The following HNF4A variants were observed in gnomAD, a reference collection of about 807,000 sequenced individuals.
HNF4A encodes the protein hepatocyte nuclear factor 4-alpha.
HNF4A carries 15 observed loss-of-function variants against 52.4 expected under a neutral mutation model. The observed-to-expected ratio is 0.29, with a 90% CI of 0.19 to 0.44. The LOEUF (loss-of-function observed/expected upper bound fraction) is 0.44, where lower values mean the gene tolerates loss of function less well. Ranked by LOEUF, HNF4A falls within the 20% of genes least tolerant of loss-of-function variation. HNF4A has a pLI of 1.00. For synonymous variants in HNF4A, 280 were observed against 264.4 expected, an observed-to-expected ratio of 1.06 and a Z score of -0.57; for missense variants, 479 against 647.2, an observed-to-expected ratio of 0.74 and a Z score of 2.82.
At chr20:44,368,875 G>C (rs2063000618) in intron 1 of HNF4A, among the ~76,000 whole-genome samples, 1 of 152,114 alleles carries the variant, frequency 6.6e-6, no homozygotes, top group Non-Finnish European at 1.5e-5. Context: ...TTACTAGCAA[G>C]TTAACACATT....
chr20:44,385,506 T>C (rs1338250229), intron 1 of HNF4A, among the ~76,000 whole-genome samples: 2 of 152,178 alleles, frequency 1.3e-5, no homozygotes, highest in African/African-American at 4.8e-5. Context: ...TCTCACTCTG[T>C]CGCCCAGGCT....
intron 1 of HNF4A, among the ~76,000 whole-genome samples, chr20:44,404,295 A>G (rs923837403): frequency 6.6e-6 from 1 of 152,234 alleles, no homozygotes; most frequent in Non-Finnish European, 1.5e-5. Context: ...AAAAGCATAG[A>G]GAAGTAAACG....
chr20:44,373,002 C>T (rs1380402151), intron 1 of HNF4A: 2 of 152,204 alleles, frequency 1.3e-5, no homozygotes, highest in South Asian at 4.1e-4. Flanking sequence ...GATCCTCAGT[C>T]TCCTCATCTG....
intron 1 of HNF4A, among the ~76,000 whole-genome samples, chr20:44,393,290 C>T (rs1386440130): frequency 6.6e-6 from 1 of 152,230 alleles, no homozygotes; most frequent in Non-Finnish European, 1.5e-5. Flanking sequence ...TGTCATAAGC[C>T]ACCTGGCAGG....
chr20:44,361,534 G>A (rs145965662), intron 1 of HNF4A, among the ~76,000 whole-genome samples: 1 of 152,126 alleles, frequency 6.6e-6, no homozygotes, highest in Non-Finnish European at 1.5e-5. Context: ...GGTGGCTCAT[G>A]CCTGTAATCC....
At chr20:44,420,710 C>T (rs1680577086) in intron 7 of HNF4A, among the ~76,000 whole-genome samples, 1 of 152,106 alleles carries the variant, frequency 6.6e-6, no homozygotes, top group Non-Finnish European at 1.5e-5. Flanking sequence ...CCCAGCTACT[C>T]AGGAGGCCAA....
At chr20:44,356,979 T>G (rs1188349653) in intron 1 of HNF4A, among the ~76,000 whole-genome samples, 2 of 152,108 alleles carry the variant, frequency 1.3e-5, no homozygotes. Context: ...CTTAAGATCA[T>G]GGTGGATGCC....
intron 1 of HNF4A, among the ~76,000 whole-genome samples, chr20:44,376,730 C>G (rs1490779126): frequency 2.0e-5 from 3 of 152,156 alleles, no homozygotes; most frequent in Non-Finnish European, 4.4e-5. Context: ...TTACCAGACA[C>G]ATTTTCACAG....
At chr20:44,415,013 A>T (rs1189775068) in intron 5 of HNF4A, among the ~76,000 whole-genome samples, 1 of 152,172 alleles carries the variant, frequency 6.6e-6, no homozygotes, top group East Asian at 1.9e-4. Flanking sequence ...GCTCCTGACC[A>T]TTGTACCTGA....
At chr20:44,376,275 AT>A (rs1467291855) in intron 1 of HNF4A, among the ~76,000 whole-genome samples, 8 of 152,214 alleles carry the variant, frequency 5.3e-5, no homozygotes, top group Non-Finnish European at 1.0e-4. Flanking sequence ...AAAGAAAAAA[AT>A]ATATATATAG....
At chr20:44,396,147 G>C (rs181433316) in intron 1 of HNF4A, among the ~76,000 whole-genome samples, 1 of 152,248 alleles carries the variant, frequency 6.6e-6, no homozygotes, top group South Asian at 2.1e-4. Context: ...AGGCAGACTC[G>C]GGTTCAAACA....
intron 1 of HNF4A, chr20:44,372,870 T>C (rs995064759): frequency 6.6e-6 from 1 of 152,210 alleles, no homozygotes; most frequent in Non-Finnish European, 1.5e-5. Flanking sequence ...TTGGCAATGA[T>C]GAAGACACCT....
At chr20:44,423,754 T>C (rs1476374837) in intron 7 of HNF4A, among the ~76,000 whole-genome samples, 2 of 152,226 alleles carry the variant, frequency 1.3e-5, no homozygotes, top group Non-Finnish European at 2.9e-5. Context: ...ATTGGATGCA[T>C]TCCTCAAGTC....
chr20:44,424,278 C>T lies in HNF4A; in HGVS notation c.1129+24C>T, dbSNP rs1031647179. 7.4e-6 allele frequency: 12 copies of T among 1,612,346 alleles called. No homozygotes were observed. The Middle Eastern group carries it at 6.6e-4, about 88-fold the overall frequency. On this transcript the variant is annotated intron_variant, in intron 8 of 9. Coordinates refer to ENST00000316099, the MANE Select transcript of HNF4A (RefSeq NM_000457.6). The stretch of plus-strand genomic sequence containing the variant: ...AGGTCCGTGCCAAGCCCAGGAGGGG[C>T]GGGGTTGGAGTGGGGACTCCCCAGG...
intron 1 of HNF4A, chr20:44,401,584 A>T (rs1345404352): frequency 7.0e-7 from 1 of 1,438,320 alleles, no homozygotes; most frequent in African/African-American, 1.4e-5. Flanking sequence ...GTGGGAGGAG[A>T]ATGATACAAA....
chr20:44,363,159 C>T (rs6130597), intron 1 of HNF4A, among the ~76,000 whole-genome samples: 24,614 of 151,946 alleles, frequency 0.16, 2,398 homozygotes, highest in Middle Eastern at 0.26. Context: ...CCCGGCCGAC[C>T]CAATCTTTTT....
In HNF4A at chr20:44,432,717, G is replaced by A. The variant is rs546761850; in HGVS notation, c.*3052G>A. 1.3e-5 allele frequency: 2 copies of A among 152,242 alleles called. No individual in the cohort carries two copies. Among genetic ancestry groups the A allele is most frequent in the South Asian group, 4.2e-4 (2 of 4,816 alleles). The allele number at this position is 152,242 out of a possible 1,614,324, so 9.4% of individuals were successfully genotyped here. A position where few individuals can be genotyped will look rare whatever the true frequency, so the allele number is the denominator to read the frequency against. ...CTTTCTGTGGGTGTGAATGTCATTA[G>A]GTCTTGCGCTGACCCCTGAGCCCCC... On this transcript the variant is annotated 3_prime_UTR_variant, in exon 10 of 10. Transcript: ENST00000316099.
intron 1 of HNF4A, among the ~76,000 whole-genome samples, chr20:44,385,057 ATCT>A (rs2063203263): frequency 1.3e-4 from 4 of 29,934 alleles, no homozygotes; most frequent in African/African-American, 4.4e-4. Context: ...GAACTCTGTG[ATCT>A]TTTTTTTTTT....
intron 9 of HNF4A, 132 bp from the exon 10 acceptor site, chr20:44,429,391 C>G (rs1177873652): frequency 1.1e-6 from 1 of 951,118 alleles, no homozygotes; most frequent in African/African-American, 1.6e-5. Context: ...AATTAATTCT[C>G]TCATTTTATA....
Sources: allele counts gnomAD v4.1 joint callset (sites outside exome capture counted in the v4.1 genomes callset), GRCh38; gene constraint gnomAD v4.1.1; transcripts MANE v1.5; gene names NCBI Gene and HGNC (gene_info 2026-07-23, HGNC 2026-07-21).